EDA: variants seen among roughly 807,000 people sequenced by gnomAD.
EDA encodes the protein ectodysplasin-A.
Under a neutral mutation model 23.6 loss-of-function variants are expected in EDA, and 2 were observed. The ratio of observed to expected loss-of-function variants is 0.08; its 90% CI spans 0.03 to 0.27. The LOEUF (loss-of-function observed/expected upper bound fraction) is 0.27. Among genes scored for constraint, EDA ranks in the 10% least tolerant of loss-of-function variants. The pLI is 1.00. For synonymous variants in EDA, 131 were observed against 132.0 expected (o/e 0.99, Z 0.05); for missense variants, 229 against 324.2 (o/e 0.71, Z 2.26).
chrX:69,734,730 A>T (rs931421732), intron 1 of EDA, among the ~76,000 whole-genome samples: 2 of 111,895 alleles, frequency 1.8e-5, no homozygotes, highest in African/African-American at 6.5e-5. Context: ...AAGCATTTGG[A>T]AATTAAAGCC....
chrX:69,846,420 G>A (rs1221444916), intron 1 of EDA, among the ~76,000 whole-genome samples: 1 of 110,465 alleles, frequency 9.1e-6, no homozygotes, highest in Admixed American at 9.7e-5. Context: ...TCAGCCTCCC[G>A]AGCAGCTGGG....
intron 1 of EDA, among the ~76,000 whole-genome samples, chrX:69,902,867 A>G (rs892831663): frequency 1.8e-5 from 2 of 111,575 alleles, no homozygotes; most frequent in Non-Finnish European, 3.8e-5. Context: ...ATCTCTCCCC[A>G]TGGAGCTAGC....
At chrX:69,821,094 G>C (rs2016208360) in intron 1 of EDA, among the ~76,000 whole-genome samples, 1 of 111,003 alleles carries the variant, frequency 9.0e-6, no homozygotes, top group South Asian at 3.8e-4. Context: ...CAGTGACATG[G>C]ATGGAGTTGG....
intron 2 of EDA, among the ~76,000 whole-genome samples, chrX:69,960,439 G>A (rs1214454415): frequency 9.0e-6 from 1 of 111,358 alleles, no homozygotes; most frequent in Non-Finnish European, 1.9e-5. Context: ...GAGGAATATG[G>A]GGAAAGAGTT....
intron 2 of EDA, among the ~76,000 whole-genome samples, chrX:69,996,701 T>C (rs1301550285): frequency 8.9e-6 from 1 of 112,097 alleles, no homozygotes; most frequent in East Asian, 2.8e-4. Flanking sequence ...TAAAGCCTGA[T>C]ACAGTTTGGC....
At chrX:69,679,739 T>C (rs1185275063) in intron 1 of EDA, among the ~76,000 whole-genome samples, 1 of 111,494 alleles carries the variant, frequency 9.0e-6, no homozygotes, top group Non-Finnish European at 1.9e-5. Flanking sequence ...TGCTAGCGGT[T>C]TATCAATTTT....
intron 1 of EDA, among the ~76,000 whole-genome samples, chrX:69,784,823 G>T (rs1471924983): frequency 2.7e-5 from 3 of 109,290 alleles, no homozygotes; most frequent in Non-Finnish European, 5.7e-5. Flanking sequence ...TTCCAGTTCT[G>T]TGAAGAAAGT....
At chrX:69,756,589 T>C (rs1485968007) in intron 1 of EDA, among the ~76,000 whole-genome samples, 1 of 112,048 alleles carries the variant, frequency 8.9e-6, no homozygotes, top group Non-Finnish European at 1.9e-5. Context: ...GAATATCTTA[T>C]TTTTTAAGGG....
Position 70,037,008 on chromosome X carries a change from C to G in EDA, c.*1399C>G, listed in dbSNP as rs1003580480. ...CCCCCTAGTTCAGGTCCAAATTCACCTTCCCCTAAACCCCAAGCTTCCCAA... is the reference window on the plus strand; with the variant it reads ...CCCCCTAGTTCAGGTCCAAATTCACGTTCCCCTAAACCCCAAGCTTCCCAA... On this transcript the variant is annotated 3_prime_UTR_variant, in exon 8 of 8. Transcript: ENST00000374552. The G allele has an allele frequency of 8.9e-6, 1 of 112,050 alleles. No individual in the cohort carries two copies. The highest frequency in any genetic ancestry group is 3.2e-5 in the African/African-American group (1 of 30,830). The allele number at this position is 112,050 out of a possible 1,213,427, so 9.2% of individuals were successfully genotyped here. A position where few individuals can be genotyped will look rare whatever the true frequency, so the allele number is the denominator to read the frequency against.
chrX:69,657,111 C>A (rs1241742314), intron 1 of EDA, among the ~76,000 whole-genome samples: 1 of 111,980 alleles, frequency 8.9e-6, no homozygotes, highest in Admixed American at 9.5e-5. Context: ...TTTGCATTCC[C>A]ACCAACAGTG....
At chrX:70,005,233 A>G (rs1263947105) in intron 2 of EDA, among the ~76,000 whole-genome samples, 1 of 112,305 alleles carries the variant, frequency 8.9e-6, no homozygotes, top group Admixed American at 9.4e-5. Context: ...CTATAAATTG[A>G]TAGAATTATG....
intron 1 of EDA, chrX:69,617,800 C>T (rs1248869224): frequency 9.4e-6 from 3 of 320,006 alleles, no homozygotes; most frequent in Non-Finnish European, 1.8e-5. Flanking sequence ...TTTACTGCCA[C>T]ATCCAGAGTC....
Position 69,711,460 on chromosome X carries a change from T to A in EDA, c.396+94756T>A, listed in dbSNP as rs188364851. On this transcript the variant is annotated intron_variant, in intron 1 of 7. Transcript: ENST00000374552. ...GATATTGGTCTAAAATTCTCTTTTT[T>A]GGTTGTGTCTCCGCCAGGCTTTGGT... Among the ~76,000 whole-genome samples, 41 of 111,584 alleles carry A rather than the reference T, an allele frequency of 3.7e-4. No individual in the cohort carries two copies. In the East Asian group the frequency reaches 0.012, roughly 32 times the overall value.
intron 2 of EDA, among the ~76,000 whole-genome samples, chrX:70,002,314 A>G (rs942101592): frequency 1.8e-5 from 2 of 110,162 alleles, no homozygotes; most frequent in African/African-American, 6.6e-5. Flanking sequence ...CAAAGGCAAC[A>G]TGATTTCATA....
At position 70,037,473 on chromosome X, in the gene EDA, C is replaced by A. The variant is rs1403335226; in HGVS notation, c.*1864C>A. 4.5e-5 allele frequency: 5 copies of A among 112,273 alleles called. No individual in the cohort carries two copies. In the East Asian group the frequency reaches 1.4e-3, roughly 32 times the overall value. 9.3% of individuals were successfully genotyped at this position (112,273 alleles called of 1,213,427 possible). A position where few individuals can be genotyped will look rare whatever the true frequency, so the allele number is the denominator to read the frequency against. On this transcript the variant is annotated 3_prime_UTR_variant, in exon 8 of 8. Transcript: ENST00000374552. Reference sequence around the variant, plus strand: ...CTCCTTCATGTTTGGAAAATAATTTCTCTTGTATTATCTCCTTTGAAGAAG... The same window carrying A: ...CTCCTTCATGTTTGGAAAATAATTTATCTTGTATTATCTCCTTTGAAGAAG...
intron 1 of EDA, among the ~76,000 whole-genome samples, chrX:69,915,330 G>A (rs772185650): frequency 9.0e-5 from 10 of 111,565 alleles, no homozygotes; most frequent in South Asian, 3.8e-4. Context: ...TGGACCAGGC[G>A]CGGTGGCTCA....
chrX:69,820,086 A>G (rs1273397228), intron 1 of EDA, among the ~76,000 whole-genome samples: 3 of 111,017 alleles, frequency 2.7e-5, no homozygotes, highest in African/African-American at 6.5e-5. Context: ...CAGAAATAAT[A>G]CTGCACACCT....
Position 69,724,585 on chromosome X carries a change from A to G in EDA, c.396+107881A>G, listed in dbSNP as rs181988538. 9.7e-3 allele frequency among the ~76,000 whole-genome samples: 1,085 copies of G among 111,440 alleles called. 9 individuals carry two copies. The highest frequency in any genetic ancestry group is 0.017 in the Non-Finnish European group (886 of 53,060). On this transcript the variant is annotated intron_variant, in intron 1 of 7. Coordinates refer to ENST00000374552, the MANE Select transcript of EDA (RefSeq NM_001399.5). Reference sequence around the variant, plus strand: ...TGTTGACCTAAGTGTCATAGAAGTGACAGTTCCCTGAGGCTCAGATCATGT... The same window carrying G: ...TGTTGACCTAAGTGTCATAGAAGTGGCAGTTCCCTGAGGCTCAGATCATGT...
At chrX:69,781,901 T>C (rs985060639) in intron 1 of EDA, among the ~76,000 whole-genome samples, 11 of 110,534 alleles carry the variant, frequency 1.0e-4, no homozygotes, top group African/African-American at 3.6e-4. Flanking sequence ...CCAGTAAACA[T>C]GATGCTCCAG....
Sources: gnomAD v4.1 joint callset for allele counts (sites outside exome capture counted in the v4.1 genomes callset) on GRCh38, gnomAD v4.1.1 for gene constraint, MANE v1.5 for transcripts, NCBI Gene and HGNC (gene_info 2026-07-23, HGNC 2026-07-21) for gene names.